Variants in PPM1H observed in about 807,000 individuals in gnomAD.
The protein encoded by PPM1H is protein phosphatase, Mg2+/Mn2+ dependent 1H.
In PPM1H, 27 loss-of-function variants were observed where a neutral mutation model predicts 54.9. The ratio of observed to expected loss-of-function variants is 0.49; its 90% CI spans 0.36 to 0.68. The LOEUF is 0.68. Ranked by LOEUF, PPM1H falls within the 30% of genes least tolerant of loss-of-function variation. The pLI, the probability that PPM1H is intolerant of heterozygous loss-of-function variation, is 0.00. For synonymous variants in PPM1H, 305 were observed against 270.8 expected (o/e 1.13, Z -1.24); for missense variants, 596 against 667.8 (o/e 0.89, Z 1.19).
rs2076772407 is a variant in PPM1H at position 62,801,909 on chromosome 12, G to T, written c.663C>A (p.Ser221=). ...AGAAGCGTGTGGGGGGCGTGCTGGG[G>T]GAGCCCGGGGCCCCCACCCCTCCGC... The part of the protein sequence containing the change: ...SLRGGVGAPG[S]PSTPPTRFFT... Residue 221 remains serine, a synonymous_variant, in exon 3 of 10, where the codon TCC becomes TCA. Coordinates refer to ENST00000228705, the MANE Select transcript of PPM1H (RefSeq NM_020700.2). 6.2e-7 allele frequency: 1 copy of T among 1,613,460 alleles called. No homozygotes were observed. The highest frequency in any genetic ancestry group is 1.1e-5 in the South Asian group (1 of 91,074).
chr12:62,789,384 C>CA (rs2076691440), intron 3 of PPM1H, among the ~76,000 whole-genome samples: 1 of 152,192 alleles, frequency 6.6e-6, no homozygotes, highest in African/African-American at 2.4e-5. Flanking sequence ...TTCTATTCAA[C>CA]ACAGGCAGGA....
intron 4 of PPM1H, among the ~76,000 whole-genome samples, chr12:62,747,565 G>C (rs1277094974): frequency 6.6e-6 from 1 of 152,216 alleles, no homozygotes; most frequent in Non-Finnish European, 1.5e-5. Context: ...GGAAGACAAA[G>C]TTTGGAGAAT....
intron 5 of PPM1H, among the ~76,000 whole-genome samples, chr12:62,735,139 G>A (rs145974548): frequency 1.7e-4 from 26 of 152,284 alleles, no homozygotes; most frequent in Admixed American, 7.9e-4. Context: ...ATGTTTGGGC[G>A]GAGGGCAGAA....
At chr12:62,736,467 G>C (rs1026033689) in intron 5 of PPM1H, among the ~76,000 whole-genome samples, 34 of 152,208 alleles carry the variant, frequency 2.2e-4, no homozygotes, top group Admixed American at 3.3e-4. Context: ...GTGAAAGATT[G>C]AAGTACTGTT....
chr12:62,680,300 CCTCTCTCTCTTGCTTT>C (rs1478969295), intron 8 of PPM1H, among the ~76,000 whole-genome samples: 4 of 143,396 alleles, frequency 2.8e-5, no homozygotes, highest in African/African-American at 1.0e-4. Context: ...TTACTTCCTT[CCTCTCTCTCTTGCTTT>C]CTCTCTCTCT....
intron 8 of PPM1H, among the ~76,000 whole-genome samples, chr12:62,668,335 C>A (rs2075932307): frequency 6.6e-6 from 1 of 152,172 alleles, no homozygotes; most frequent in Admixed American, 6.5e-5. Context: ...AAAAGCAAGT[C>A]AATTTAATCA....
rs916724449 is a variant in PPM1H, at chr12:62,646,953, C to T, written c.*1536G>A. 2.6e-5 allele frequency: 4 copies of T among 152,318 alleles called. No individual in the cohort carries two copies. The highest frequency in any genetic ancestry group is 2.1e-4 in the South Asian group (1 of 4,828). The allele number at this position is 152,318 out of a possible 1,614,324, so 9.4% of individuals were successfully genotyped here. A position where few individuals can be genotyped will look rare whatever the true frequency, so the allele number is the denominator to read the frequency against. On this transcript the variant is annotated 3_prime_UTR_variant, in exon 10 of 10. Transcript: ENST00000228705. ...GCTCTCTAGCATGCTGGGGGGGTCACGTCAGTGACCTTTTTTCCTTTTTGG... is the reference window on the plus strand; with the variant it reads ...GCTCTCTAGCATGCTGGGGGGGTCATGTCAGTGACCTTTTTTCCTTTTTGG...
At chr12:62,826,111 A>G (rs952945246) in intron 2 of PPM1H, among the ~76,000 whole-genome samples, 1 of 152,176 alleles carries the variant, frequency 6.6e-6, no homozygotes, top group African/African-American at 2.4e-5. Context: ...GATGGCTAAG[A>G]GTTGTCTTTA....
intron 2 of PPM1H, among the ~76,000 whole-genome samples, chr12:62,822,350 G>A (rs2076908886): frequency 6.6e-6 from 1 of 152,284 alleles, no homozygotes; most frequent in South Asian, 2.1e-4. Flanking sequence ...CAATGAGACA[G>A]AAGGTTAACA....
intron 9 of PPM1H, among the ~76,000 whole-genome samples, chr12:62,654,985 C>T (rs937155478): frequency 3.3e-5 from 5 of 152,204 alleles, no homozygotes; most frequent in African/African-American, 1.2e-4. Context: ...GCATGTCTAT[C>T]CCTCCTTGTC....
intron 2 of PPM1H, among the ~76,000 whole-genome samples, chr12:62,806,427 A>C (rs1405405166): frequency 6.6e-6 from 1 of 152,234 alleles, no homozygotes; most frequent in Non-Finnish European, 1.5e-5. Flanking sequence ...GATATCAGAC[A>C]TGGCCTGATC....
intron 2 of PPM1H, among the ~76,000 whole-genome samples, chr12:62,823,718 T>C (rs1239886707): frequency 6.6e-6 from 1 of 152,156 alleles, no homozygotes; most frequent in African/African-American, 2.4e-5. Context: ...CTAAAAACTC[T>C]CAATAAACCA....
chr12:62,927,805 T>C (rs1872021013), intron 1 of PPM1H, among the ~76,000 whole-genome samples: 1 of 150,294 alleles, frequency 6.7e-6, no homozygotes. Context: ...AAAATACCTA[T>C]ATAAAAAATC....
rs11174595 is a variant in PPM1H, at chr12:62,664,293, G to C, written c.1397+2885C>G. On this transcript the variant is annotated intron_variant, in intron 9 of 9. Transcript: ENST00000228705. ...TTAGTTTATTAAATTAGAAAAAAAG[G>C]CTAAAATTTCAGCCTTTACAGTTTT... 1.5e-3 allele frequency among the ~76,000 whole-genome samples: 222 copies of C among 152,224 alleles called. 7 individuals are homozygous for C. The East Asian group carries it at 0.03, about 21-fold the overall frequency.
At chr12:62,688,206 G>A (rs2076064479) in intron 8 of PPM1H, among the ~76,000 whole-genome samples, 1 of 152,016 alleles carries the variant, frequency 6.6e-6, no homozygotes, top group South Asian at 2.1e-4. Context: ...AATATCTGTT[G>A]GGACAGAGGC....
intron 1 of PPM1H, among the ~76,000 whole-genome samples, chr12:62,912,324 C>T (rs541038163): frequency 8.4e-4 from 128 of 152,304 alleles, no homozygotes; most frequent in African/African-American, 2.8e-3. Flanking sequence ...ATAAAACTTG[C>T]GGGCTACATT....
Position 62,689,771 on chromosome 12 carries a change from T to C in PPM1H, c.1173A>G (p.Gly391=), listed in dbSNP as rs377344046. 1.6e-5 allele frequency: 26 copies of C among 1,613,524 alleles called. No homozygotes were observed. The African/African-American group carries it at 3.1e-4, about 19-fold the overall frequency. Residue 391 remains glycine, a synonymous_variant, in exon 8 of 10, where the codon GGA becomes GGG. Coordinates refer to ENST00000228705, the MANE Select transcript of PPM1H (RefSeq NM_020700.2). ...RVMATIGVTR[G]LGDHDLKVHD... ...GCACCTTCAGGTCATGGTCCCCAAGTCCCCTGGTCACTCCAATAGTTGCCA... is the reference window on the plus strand; with the variant it reads ...GCACCTTCAGGTCATGGTCCCCAAGCCCCCTGGTCACTCCAATAGTTGCCA...
rs781527650 is a variant in PPM1H at position 62,934,562 on chromosome 12, C to A, written c.175G>T (p.Asp59Tyr). The A allele has an allele frequency of 2.6e-6, 4 of 1,553,784 alleles. No individual in the cohort carries two copies. Among genetic ancestry groups the A allele is most frequent in the Non-Finnish European group, 3.5e-6 (4 of 1,149,624 alleles). The stretch of plus-strand genomic sequence containing the variant: ...ATGAGGATGGGGCGGGCGATGTGGT[C>A]GGCGCTGCACTCCACCTCGTCCTGA... ...LSQDEVECSA[D>Y]HIARPILILK... is the part of the protein sequence containing the mutation. The change falls in exon 1 of 10, where the codon GAC becomes TAC. Residue 59 changes from aspartate to tyrosine, a missense_variant. Asp to Tyr is a radical substitution (Grantham distance 160, BLOSUM62 -3). Around this residue, in one of 3 missense-constraint regions of PPM1H, gnomAD observed 382 missense variants for 387.1 expected, o/e 0.99. Transcript: ENST00000228705. This position sits in a 1 kb window ranked among gnomAD's most constrained non-coding sequence, Gnocchi z 4.2.
chr12:62,671,651 T>C (rs191477), intron 8 of PPM1H, among the ~76,000 whole-genome samples: 35,256 of 152,004 alleles, frequency 0.23, 4,529 homozygotes, highest in African/African-American at 0.35. Context: ...ATAGAGTCAT[T>C]TTAGAAGATG....
Sources: gnomAD v4.1 joint callset for allele counts (sites outside exome capture counted in the v4.1 genomes callset) on GRCh38, gnomAD v4.1.1 for gene constraint, gnomAD v4.1.1 regional missense constraint, Gnocchi (gnomAD v3.1) non-coding constraint, MANE v1.5 for transcripts, NCBI Gene and HGNC (gene_info 2026-07-23, HGNC 2026-07-21) for gene names.